Variants in ENTREP2 observed in about 807,000 individuals in gnomAD.
The protein encoded by ENTREP2 is endosomal transmembrane epsin interactor 2, also known as protein ENTREP2.
chr15:29,269,282 G>A, the ENTREP2 span: 1 of 1,614,184 alleles, frequency 6.2e-7, no homozygotes, highest in East Asian at 2.2e-5. Flanking sequence ...AGTTCCACCA[G>A]CTTATACCCG....
At chr15:29,622,607 A>C in the ENTREP2 span, among the ~76,000 whole-genome samples, 1 of 152,166 alleles carries the variant, frequency 6.6e-6, no homozygotes, top group Non-Finnish European at 1.5e-5. Flanking sequence ...TATTGAGAAT[A>C]AACTCCAACA....
At chr15:29,383,614 G>A in the ENTREP2 span, among the ~76,000 whole-genome samples, 6 of 152,292 alleles carry the variant, frequency 3.9e-5, no homozygotes, top group East Asian at 7.7e-4. Flanking sequence ...GGCCAGACCC[G>A]GGAGGAGGGC....
chr15:29,365,054 C>T, the ENTREP2 span, among the ~76,000 whole-genome samples: 1 of 152,142 alleles, frequency 6.6e-6, no homozygotes, highest in Non-Finnish European at 1.5e-5. Flanking sequence ...CCTGAAAATC[C>T]TCTGTGTTCC....
chr15:29,125,445 TG>T, the ENTREP2 span, among the ~76,000 whole-genome samples: 1 of 152,130 alleles, frequency 6.6e-6, no homozygotes, highest in East Asian at 1.9e-4. Flanking sequence ...TCCAGGCAAC[TG>T]GCCACTGCGG....
At chr15:29,388,668 C>A in the ENTREP2 span, among the ~76,000 whole-genome samples, 144 of 151,674 alleles carry the variant, frequency 9.5e-4, 2 homozygotes, top group African/African-American at 3.1e-3. Context: ...CATGCACACA[C>A]GTTTATTGCA....
chr15:29,264,840 C>G, the ENTREP2 span, among the ~76,000 whole-genome samples: 1 of 152,076 alleles, frequency 6.6e-6, no homozygotes, highest in Non-Finnish European at 1.5e-5. Flanking sequence ...GACTAACCCC[C>G]CCTTATGTCA....
the ENTREP2 span, chr15:29,373,539 T>C: frequency 4.6e-5 from 7 of 152,188 alleles, no homozygotes; most frequent in Non-Finnish European, 1.0e-4. Flanking sequence ...AACTAAACTA[T>C]AGACCTCATG....
chr15:29,491,555 G>C, the ENTREP2 span, among the ~76,000 whole-genome samples: 1 of 152,114 alleles, frequency 6.6e-6, no homozygotes. Context: ...ATTGTAGAAG[G>C]CTTTAAATCT....
chr15:29,540,964 TG>T, the ENTREP2 span, among the ~76,000 whole-genome samples: 3 of 152,214 alleles, frequency 2.0e-5, no homozygotes, highest in Admixed American at 6.5e-5. Context: ...AGACTCTATC[TG>T]TGGAAATGAG....
At chr15:29,612,661 A>G in the ENTREP2 span, 1 of 152,778 alleles carries the variant, frequency 6.5e-6, no homozygotes, top group African/African-American at 2.4e-5. Context: ...CATAGCATGG[A>G]CCTACCAGTA....
chr15:29,137,339 T>A, the ENTREP2 span: 1 of 764,954 alleles, frequency 1.3e-6, no homozygotes, highest in Non-Finnish European at 2.0e-6. Context: ...GCACACACTT[T>A]AAAATGAAGG....
chr15:29,493,123 CCCTT>C, the ENTREP2 span, among the ~76,000 whole-genome samples: 11 of 131,596 alleles, frequency 8.4e-5, no homozygotes, highest in African/African-American at 3.7e-4. Context: ...TCCCTGACAA[CCCTT>C]TTTTTTTTTT....
chr15:29,211,321 C>T, the ENTREP2 span, among the ~76,000 whole-genome samples: 9 of 152,206 alleles, frequency 5.9e-5, no homozygotes, highest in African/African-American at 2.2e-4. Flanking sequence ...AACCACCTCT[C>T]AGACACACTC....
the ENTREP2 span, among the ~76,000 whole-genome samples, chr15:29,146,326 C>T: frequency 6.6e-6 from 1 of 152,034 alleles, no homozygotes; most frequent in Non-Finnish European, 1.5e-5. Context: ...CATATGAAAT[C>T]AAAGGGCACA....
At chr15:29,598,918 G>A in the ENTREP2 span, among the ~76,000 whole-genome samples, 19 of 152,178 alleles carry the variant, frequency 1.2e-4, no homozygotes, top group East Asian at 3.9e-4. Context: ...GGATGGTCTC[G>A]GTCTCCTGAC....
the ENTREP2 span, among the ~76,000 whole-genome samples, chr15:29,156,948 T>C: frequency 6.6e-6 from 1 of 151,936 alleles, no homozygotes; most frequent in African/African-American, 2.4e-5. Context: ...TATAAAAAAA[T>C]TAGCCGGGAG....
chr15:29,542,784 C>A, the ENTREP2 span, among the ~76,000 whole-genome samples: 4 of 152,216 alleles, frequency 2.6e-5, no homozygotes, highest in African/African-American at 9.6e-5. Flanking sequence ...TTCTATGAGT[C>A]TGGCTACTCT....
chr15:29,283,581 C>T, the ENTREP2 span, among the ~76,000 whole-genome samples: 1 of 152,126 alleles, frequency 6.6e-6, no homozygotes, highest in Non-Finnish European at 1.5e-5. Context: ...TGGGCCCAAA[C>T]CAGCGCTGGG....
chr15:29,542,041 G>A, the ENTREP2 span, among the ~76,000 whole-genome samples: 3 of 152,248 alleles, frequency 2.0e-5, no homozygotes, highest in South Asian at 2.1e-4. Flanking sequence ...TGAGAGTCTC[G>A]CTCTTTTGCC....
Sources: gnomAD v4.1 joint callset for allele counts (sites outside exome capture counted in the v4.1 genomes callset) on GRCh38, gnomAD v4.1.1 for gene constraint, MANE v1.5 for transcripts, NCBI Gene and HGNC (gene_info 2026-07-23, HGNC 2026-07-21) for gene names.